RBFOX1: variants seen among roughly 807,000 people sequenced by gnomAD.
RBFOX1 encodes the protein RNA binding fox-1 homolog 1.
RBFOX1 carries 8 observed loss-of-function variants against 57.7 expected under a neutral mutation model. The observed-to-expected ratio is 0.14, with a 90% CI of 0.08 to 0.25. The LOEUF is 0.25. RBFOX1 is among the 10% of genes least tolerant of loss of function. The pLI, the probability that RBFOX1 is intolerant of heterozygous loss-of-function variation, is 1.00. For synonymous variants in RBFOX1, 326 were observed against 222.4 expected (o/e 1.47, Z -4.15); for missense variants, 611 against 548.5 (o/e 1.11, Z -1.14).
At chr16:6,599,989 C>A (rs1724801094) in intron 2 of RBFOX1, among the ~76,000 whole-genome samples, 1 of 152,098 alleles carries the variant, frequency 6.6e-6, no homozygotes, top group South Asian at 2.1e-4. Flanking sequence ...ACATGTTGTC[C>A]TATTGCCATC....
chr16:5,269,203 C>G (rs1353775047), intron 1 of RBFOX1, among the ~76,000 whole-genome samples: 2 of 152,250 alleles, frequency 1.3e-5, no homozygotes, highest in Non-Finnish European at 2.9e-5. Context: ...AGGCATGAGC[C>G]ACCGCACCAG....
Position 7,518,760 on chromosome 16 carries a change from T to C in RBFOX1, c.270+371T>C, listed in dbSNP as rs372879071. On this transcript the variant is annotated intron_variant, in intron 5 of 15. Coordinates refer to ENST00000550418, the MANE Select transcript of RBFOX1 (RefSeq NM_018723.4). Reference sequence around the variant, plus strand: ...TACGGAGGCTGGGTGTGGTGGCTCATGCCTGTGATCCCAGCACTTTGGGAG... The same window carrying C: ...TACGGAGGCTGGGTGTGGTGGCTCACGCCTGTGATCCCAGCACTTTGGGAG... Among the ~76,000 whole-genome samples, 13 of 152,308 alleles carry C rather than the reference T, an allele frequency of 8.5e-5. No homozygotes were observed. The East Asian group carries it at 9.7e-4, about 11-fold the overall frequency.
chr16:6,690,566 C>A (rs75304632), intron 3 of RBFOX1, among the ~76,000 whole-genome samples: 5 of 152,020 alleles, frequency 3.3e-5, no homozygotes, highest in East Asian at 1.9e-4. Context: ...CAAAACTATA[C>A]TGAGATGCAG....
At chr16:6,907,549 A>G (rs745973838) in intron 3 of RBFOX1, among the ~76,000 whole-genome samples, 13 of 151,886 alleles carry the variant, frequency 8.6e-5, no homozygotes, top group Non-Finnish European at 1.5e-4. Context: ...CCTCTCTCTT[A>G]GCTTCTGTTT....
At chr16:5,551,115 C>G (rs923050338) in intron 2 of RBFOX1, among the ~76,000 whole-genome samples, 2 of 152,204 alleles carry the variant, frequency 1.3e-5, no homozygotes, top group Admixed American at 6.5e-5. Flanking sequence ...CCACTCTTGC[C>G]TCAGTTTCCC....
intron 1 of RBFOX1, among the ~76,000 whole-genome samples, chr16:6,216,095 C>T (rs1034388543): frequency 2.0e-5 from 3 of 152,036 alleles, no homozygotes; most frequent in Non-Finnish European, 4.4e-5. Flanking sequence ...CACATGGGCA[C>T]ATGGAGGGGA....
intron 2 of RBFOX1, among the ~76,000 whole-genome samples, chr16:6,400,305 A>G (rs1005685116): frequency 6.6e-6 from 1 of 152,208 alleles, no homozygotes; most frequent in Admixed American, 6.5e-5. Flanking sequence ...ACGTACCTAT[A>G]AAAGTACCAA....
intron 3 of RBFOX1, among the ~76,000 whole-genome samples, chr16:7,022,261 C>T (rs1475718796): frequency 1.3e-5 from 2 of 150,796 alleles, no homozygotes; most frequent in African/African-American, 4.9e-5. Flanking sequence ...CCATGTTGGC[C>T]AGGTTCGTCT....
chr16:7,109,754 G>C (rs1272303930), intron 4 of RBFOX1, among the ~76,000 whole-genome samples: 1 of 152,210 alleles, frequency 6.6e-6, no homozygotes, highest in African/African-American at 2.4e-5. Context: ...AAAAAATCGA[G>C]ATGACTCCTT....
At chr16:6,793,517 C>G (rs377523245) in intron 3 of RBFOX1, among the ~76,000 whole-genome samples, 1 of 152,074 alleles carries the variant, frequency 6.6e-6, no homozygotes, top group Non-Finnish European at 1.5e-5. Flanking sequence ...TGGCCATTTC[C>G]AAACATTTCT....
chr16:6,141,680 C>A (rs1260219692), intron 1 of RBFOX1, among the ~76,000 whole-genome samples: 3 of 151,996 alleles, frequency 2.0e-5, no homozygotes, highest in African/African-American at 7.3e-5. Context: ...CTCTTTAATT[C>A]TCTTACTGTA....
At chr16:7,656,682 CCTATTGTGTTTTAGGCA>C (rs992054432) in intron 12 of RBFOX1, among the ~76,000 whole-genome samples, 4 of 152,140 alleles carry the variant, frequency 2.6e-5, no homozygotes, top group Admixed American at 1.3e-4. Context: ...ATGACTCACA[CCTATTGTGTTTTAGGCA>C]CTGTTGTGTG....
At chr16:6,255,712 T>G (rs1288311509) in intron 1 of RBFOX1, among the ~76,000 whole-genome samples, 1 of 151,714 alleles carries the variant, frequency 6.6e-6, no homozygotes, top group Non-Finnish European at 1.5e-5. Flanking sequence ...TATGCAGCCG[T>G]AAAAAAAGAA....
chr16:6,083,870 A>C (rs2096047658), intron 1 of RBFOX1, among the ~76,000 whole-genome samples: 1 of 152,160 alleles, frequency 6.6e-6, no homozygotes, highest in Non-Finnish European at 1.5e-5. Context: ...GCAATCTTTA[A>C]GCAGAAGAAT....
chr16:6,118,052 C>A (rs1333287993), intron 1 of RBFOX1, among the ~76,000 whole-genome samples: 1 of 152,170 alleles, frequency 6.6e-6, no homozygotes, highest in East Asian at 1.9e-4. Flanking sequence ...ATAAGAGTTG[C>A]AAAAGTAGTC....
intron 4 of RBFOX1, among the ~76,000 whole-genome samples, chr16:7,267,414 C>T (rs1603461873): frequency 6.6e-6 from 1 of 150,898 alleles, no homozygotes; most frequent in South Asian, 2.1e-4. Context: ...TGTGCACCTG[C>T]AATCCCAGTT....
intron 4 of RBFOX1, among the ~76,000 whole-genome samples, chr16:7,511,062 C>A (rs1600468246): frequency 6.6e-6 from 1 of 152,178 alleles, no homozygotes; most frequent in Non-Finnish European, 1.5e-5. Context: ...TGTGCACACA[C>A]ACATACCCAC....
intron 4 of RBFOX1, among the ~76,000 whole-genome samples, chr16:7,151,900 G>T (rs1018514018): frequency 6.6e-6 from 1 of 152,232 alleles, no homozygotes; most frequent in African/African-American, 2.4e-5. Context: ...GATCTGACAG[G>T]AGGTGGTAAT....
chr16:6,910,828 C>G (rs937699115), intron 3 of RBFOX1, among the ~76,000 whole-genome samples: 1 of 152,166 alleles, frequency 6.6e-6, no homozygotes, highest in Non-Finnish European at 1.5e-5. Context: ...ACTGGTATAT[C>G]TAAGCTTATA....
Sources: allele counts gnomAD v4.1 joint callset (sites outside exome capture counted in the v4.1 genomes callset), GRCh38; gene constraint gnomAD v4.1.1; transcripts MANE v1.5; gene names NCBI Gene and HGNC (gene_info 2026-07-23, HGNC 2026-07-21).